KLHDC3: variants seen among roughly 807,000 people sequenced by gnomAD.
KLHDC3 encodes the protein kelch domain containing 3, also known as kelch domain-containing protein 3.
Under a neutral mutation model 44.1 loss-of-function variants are expected in KLHDC3, and 5 were observed. That is an observed-to-expected ratio of 0.11 (90% CI 0.06 to 0.24). The LOEUF (loss-of-function observed/expected upper bound fraction) is 0.24. Ranked by LOEUF, KLHDC3 falls within the 10% of genes least tolerant of loss-of-function variation. The probability of loss-of-function intolerance (pLI) is 1.00; values close to 1 mark genes in which losing one functional copy is unlikely to be tolerated. For missense variants in KLHDC3, 247 were observed against 514.3 expected (o/e 0.48, Z 5.03); for synonymous variants, 170 against 189.0 (o/e 0.90, Z 0.82).
In KLHDC3 at chr6:43,020,738, A is replaced by G. The variant is rs753734718; in HGVS notation, c.*5A>G. On this transcript the variant is annotated 3_prime_UTR_variant, in exon 11 of 11. Transcript: ENST00000326974. ...ATCGTCTCCTCCCATGGGTAGGAGG[A>G]AGTTTCTGCCACCTCCCCTCCTGAG... 5 of 1,610,972 alleles carry G rather than the reference A, an allele frequency of 3.1e-6. No individual in the cohort carries two copies. The East Asian group carries it at 6.7e-5, about 22-fold the overall frequency.
rs1762502557 is a variant in KLHDC3, at chr6:43,014,338, C to T, written c.-70C>T. ...GAGGACCCGCGGCCCCGCCCCGGCT[C>T]GGCCTGGCAGGTAGCCTGGGATGGG... On this transcript the variant is annotated 5_prime_UTR_variant, in exon 1 of 11. Coordinates refer to ENST00000326974, the MANE Select transcript of KLHDC3 (RefSeq NM_057161.4). The T allele has an allele frequency of 5.0e-6, 3 of 600,376 alleles. No individual in the cohort carries two copies. The highest frequency in any genetic ancestry group is 3.7e-5 in the South Asian group (2 of 53,824). 37.2% of individuals were successfully genotyped at this position (600,376 alleles called of 1,614,324 possible). A position where few individuals can be genotyped will look rare whatever the true frequency, so the allele number is the denominator to read the frequency against.
chr6:43,021,232 C>G lies in KLHDC3; in HGVS notation c.*499C>G, dbSNP rs1762691630. Reference sequence around the variant, plus strand: ...CAGATAAATCCCACCCTTCCTTGAGCTGTCGCTGTACTCTGAAGTTCAGCC... The same window carrying G: ...CAGATAAATCCCACCCTTCCTTGAGGTGTCGCTGTACTCTGAAGTTCAGCC... On this transcript the variant is annotated 3_prime_UTR_variant, in exon 11 of 11. Coordinates refer to ENST00000326974, the MANE Select transcript of KLHDC3 (RefSeq NM_057161.4). The G allele has an allele frequency of 2.6e-6, 1 of 390,082 alleles. No homozygotes were observed. Among genetic ancestry groups the G allele is most frequent in the African/African-American group, 2.1e-5 (1 of 48,060 alleles). 24.2% of individuals were successfully genotyped at this position (390,082 alleles called of 1,614,324 possible).
At position 43,018,766 on chromosome 6, in the gene KLHDC3, G is replaced by T; in HGVS notation, c.820+47G>T. On this transcript the variant is annotated intron_variant, in intron 7 of 10. Transcript: ENST00000326974. The surrounding 1 kb of genome is among the most constrained non-coding windows in gnomAD (Gnocchi z 6.0). ...GCAGGAACAAGGAGCAATTGAGGTGGGAGGAAAAGAAAATAATCCTGAGGC... is the reference window on the plus strand; with the variant it reads ...GCAGGAACAAGGAGCAATTGAGGTGTGAGGAAAAGAAAATAATCCTGAGGC... 1 of 1,581,552 alleles carries T rather than the reference G, an allele frequency of 6.3e-7. No individual in the cohort carries two copies. The highest frequency in any genetic ancestry group is 8.7e-7 in the Non-Finnish European group (1 of 1,150,358).
Position 43,020,727 on chromosome 6 carries a change from T to A in KLHDC3, c.1143T>A (p.His381Gln). The change falls in exon 11 of 11, where the codon CAT becomes CAA. Residue 381 changes from histidine to glutamine, a missense_variant. Around this residue, in one of 2 missense-constraint regions of KLHDC3, gnomAD observed 176 missense variants for 413.5 expected, o/e 0.43. Coordinates refer to ENST00000326974, the MANE Select transcript of KLHDC3 (RefSeq NM_057161.4). ...SNISRPIVSS[H>Q]G Reference sequence around the variant, plus strand: ...TCAGTCGCCCCATCGTCTCCTCCCATGGGTAGGAGGAAGTTTCTGCCACCT... The same window carrying A: ...TCAGTCGCCCCATCGTCTCCTCCCAAGGGTAGGAGGAAGTTTCTGCCACCT... 1 of 1,613,700 alleles carries A rather than the reference T, an allele frequency of 6.2e-7. No homozygotes were observed. Among genetic ancestry groups the A allele is most frequent in the Non-Finnish European group, 8.5e-7 (1 of 1,179,638 alleles).
At chr6:43,014,556 A>G (rs1360055379) in intron 1 of KLHDC3, 1 of 462,318 alleles carries the variant, frequency 2.2e-6, no homozygotes, top group Non-Finnish European at 4.3e-6. Context: ...TGGTGTCTGG[A>G]GGAAGCAATG....
Sources: allele counts gnomAD v4.1 joint callset, GRCh38; gene constraint gnomAD v4.1.1; regional missense constraint gnomAD v4.1.1; non-coding constraint Gnocchi (gnomAD v3.1); transcripts MANE v1.5; gene names NCBI Gene and HGNC (gene_info 2026-07-23, HGNC 2026-07-21).